MYO5A: variants seen among roughly 807,000 people sequenced by gnomAD.
MYO5A encodes myosin VA.
MYO5A carries 98 observed loss-of-function variants against 249.7 expected under a neutral mutation model. The observed-to-expected ratio is 0.39, with a 90% CI of 0.33 to 0.46. The LOEUF (loss-of-function observed/expected upper bound fraction) is 0.46. Ranked by LOEUF, MYO5A falls within the 20% of genes least tolerant of loss-of-function variation. The pLI, the probability that MYO5A is intolerant of heterozygous loss-of-function variation, is 0.98. For synonymous variants in MYO5A, 778 were observed against 810.6 expected (o/e 0.96, Z 0.68); for missense variants, 1,696 against 2,308.8 (o/e 0.73, Z 5.44).
At chr15:52,349,972 G>A (rs559291425) in intron 28 of MYO5A, among the ~76,000 whole-genome samples, 10 of 152,288 alleles carry the variant, frequency 6.6e-5, no homozygotes, top group Middle Eastern at 3.4e-3. Flanking sequence ...TCACTCTATC[G>A]CCCAGGCGGG....
intron 5 of MYO5A, among the ~76,000 whole-genome samples, chr15:52,414,404 A>G (rs2043385384): frequency 6.6e-6 from 1 of 152,196 alleles, no homozygotes. Flanking sequence ...GACAGTAGCT[A>G]TTCCAAATTT....
At chr15:52,528,945 G>A, upstream of MYO5A, 4 of 441,174 alleles carry the variant, frequency 9.1e-6, no homozygotes, top group Non-Finnish European at 1.2e-5. Context: ...AGGGCCGCGC[G>A]GGGCGGGGCG....
intron 36 of MYO5A, among the ~76,000 whole-genome samples, chr15:52,326,889 G>A (rs1470296521): frequency 6.6e-6 from 1 of 152,178 alleles, no homozygotes; most frequent in African/African-American, 2.4e-5. Context: ...GCAACACTGA[G>A]TTAAAACTAA....
intron 1 of MYO5A, chr15:52,505,951 T>G: frequency 1.7e-6 from 2 of 1,171,122 alleles, no homozygotes; most frequent in Non-Finnish European, 2.4e-6. Flanking sequence ...CAGTGGCTCA[T>G]ACCTGTAATC....
rs1168623321 is a variant in MYO5A at position 52,336,473 on chromosome 15, G to A, written c.4398C>T (p.Gly1466=). 2.5e-6 allele frequency: 4 copies of A among 1,598,432 alleles called. No homozygotes were observed. Among genetic ancestry groups the A allele is most frequent in the Middle Eastern group, 1.7e-4 (1 of 5,944 alleles). The change falls in exon 34 of 42, where the codon GGC becomes GGT. Residue 1466 remains glycine (G), a synonymous_variant. Transcript: ENST00000399233. ...KQLKVFAKKI[G]ELEVGQMENI... is the part of the protein sequence containing the mutation. ...AAAAGGTTTAAATACCTTCTAGTTCGCCAATTTTTTTGGCAAATACTTTCA... is the reference window on the plus strand; with the variant it reads ...AAAAGGTTTAAATACCTTCTAGTTCACCAATTTTTTTGGCAAATACTTTCA...
intron 4 of MYO5A, among the ~76,000 whole-genome samples, chr15:52,424,225 A>T (rs2075347745): frequency 6.6e-6 from 1 of 152,248 alleles, no homozygotes. Flanking sequence ...ACTAATTACT[A>T]TTTTATAGCA....
intron 4 of MYO5A, among the ~76,000 whole-genome samples, chr15:52,422,692 GTTC>G (rs2075305824): frequency 6.6e-6 from 1 of 152,104 alleles, no homozygotes; most frequent in Admixed American, 6.6e-5. Context: ...AGCACAGTAT[GTTC>G]TTCTAATTTT....
At chr15:52,316,851 T>C (rs2038046509) in intron 40 of MYO5A, among the ~76,000 whole-genome samples, 197 bp downstream of exon 40, 1 of 152,218 alleles carries the variant, frequency 6.6e-6, no homozygotes, top group Admixed American at 6.5e-5. Flanking sequence ...TAAATATATT[T>C]ATACTGTAAT....
chr15:52,315,488 C>G (rs1401995735), intron 40 of MYO5A, among the ~76,000 whole-genome samples: 1 of 152,110 alleles, frequency 6.6e-6, no homozygotes, highest in East Asian at 1.9e-4. Context: ...CATTCTCCTG[C>G]CTCAGCCTCC....
chr15:52,439,194 A>T (rs2075733271), intron 1 of MYO5A, among the ~76,000 whole-genome samples: 1 of 152,208 alleles, frequency 6.6e-6, no homozygotes, highest in South Asian at 2.1e-4. Context: ...ACCATCTTGG[A>T]AGTGGCCCGC....
Position 52,340,383 on chromosome 15 carries a change from G to T in MYO5A, c.4052C>A (p.Ser1351Tyr), listed in dbSNP as rs749733587. Residue 1351 changes from serine (S) to tyrosine (Y), a missense_variant, in exon 32 of 42, where the codon TCC (serine) becomes TAC (tyrosine). By Grantham distance (144) the Ser-to-Tyr change is moderately radical. This residue lies in a region of MYO5A where 625 missense variants were observed against 908.1 expected (regional missense o/e 0.69). Coordinates refer to ENST00000399233, the MANE Select transcript of MYO5A (RefSeq NM_001382347.1). ...GLKQANRLLE[S>Y]QLQSQKRSHE... is the part of the protein sequence containing the mutation. Reference sequence around the variant, plus strand: ...GCTCCTCTTCTGTGACTGCAGCTGGGATTCCAGGAGCCTGCGGAGAGGACA... The same window carrying T: ...GCTCCTCTTCTGTGACTGCAGCTGGTATTCCAGGAGCCTGCGGAGAGGACA... 6.2e-7 allele frequency: 1 copy of T among 1,612,618 alleles called. No individual in the cohort carries two copies. The highest frequency in any genetic ancestry group is 1.7e-5 in the Admixed American group (1 of 60,010).
At chr15:52,433,783 C>G (rs2075595887) in intron 1 of MYO5A, among the ~76,000 whole-genome samples, 1 of 151,996 alleles carries the variant, frequency 6.6e-6, no homozygotes, top group Non-Finnish European at 1.5e-5. Flanking sequence ...CCACCATTCC[C>G]AAATTATATA....
chr15:52,501,225 C>A (rs1310971876), intron 1 of MYO5A, among the ~76,000 whole-genome samples: 1 of 152,118 alleles, frequency 6.6e-6, no homozygotes, highest in Non-Finnish European at 1.5e-5. Context: ...CCCGCCTCGG[C>A]CTCCCAAAGT....
intron 36 of MYO5A, among the ~76,000 whole-genome samples, chr15:52,324,286 T>C (rs1178278200): frequency 6.6e-6 from 1 of 152,106 alleles, no homozygotes; most frequent in Non-Finnish European, 1.5e-5. Flanking sequence ...GCTGGTTGGC[T>C]CTTCACCAGG....
chr15:52,408,752 T>C (rs1318711668), intron 6 of MYO5A, among the ~76,000 whole-genome samples: 2 of 152,238 alleles, frequency 1.3e-5, no homozygotes, highest in East Asian at 3.8e-4. Flanking sequence ...GCAATAATAT[T>C]GTTCATACAC....
At chr15:52,344,799 G>A (rs2039540892) in intron 30 of MYO5A, among the ~76,000 whole-genome samples, 1 of 152,206 alleles carries the variant, frequency 6.6e-6, no homozygotes, top group Non-Finnish European at 1.5e-5. Context: ...TAATCTCAGT[G>A]AGAGTAGGAA....
intron 6 of MYO5A, among the ~76,000 whole-genome samples, chr15:52,408,626 C>T (rs1293039727): frequency 6.6e-6 from 1 of 152,104 alleles, no homozygotes; most frequent in Non-Finnish European, 1.5e-5. Context: ...TTAGTTTATA[C>T]ATTTTAAATC....
chr15:52,389,914 A>G (rs1158696120), intron 12 of MYO5A, among the ~76,000 whole-genome samples: 1 of 152,178 alleles, frequency 6.6e-6, no homozygotes. Context: ...AGGTCACACC[A>G]TTACACTCCA....
At chr15:52,497,756 C>CAAAA (rs35145185) in intron 1 of MYO5A, among the ~76,000 whole-genome samples, 58 of 61,894 alleles carry the variant, frequency 9.4e-4, no homozygotes, top group South Asian at 1.8e-3. Flanking sequence ...GACTCTGTCT[C>CAAAA]AAAAAAAAAA....
Sources: allele counts gnomAD v4.1 joint callset (sites outside exome capture counted in the v4.1 genomes callset), GRCh38; gene constraint gnomAD v4.1.1; regional missense constraint gnomAD v4.1.1; transcripts MANE v1.5; gene names NCBI Gene and HGNC (gene_info 2026-07-23, HGNC 2026-07-21).